NCR1: variants seen among roughly 807,000 people sequenced by gnomAD.
NCR1 encodes natural cytotoxicity triggering receptor 1.
Under a neutral mutation model 32.5 loss-of-function variants are expected in NCR1, and 30 were observed. The ratio of observed to expected loss-of-function variants is 0.92; its 90% CI spans 0.69 to 1.25. The LOEUF (loss-of-function observed/expected upper bound fraction) is 1.25, where lower values mean the gene tolerates loss of function less well. Among genes scored for constraint, NCR1 ranks in the 50% most tolerant of loss-of-function variants. The pLI is 0.00. For synonymous variants in NCR1, 169 were observed against 143.4 expected, an observed-to-expected ratio of 1.18 and a Z score of -1.28; for missense variants, 369 against 380.7, an observed-to-expected ratio of 0.97 and a Z score of 0.26.
At chr19:54,908,174 G>A (rs1243041536) in intron 3 of NCR1, among the ~76,000 whole-genome samples, 1 of 152,068 alleles carries the variant, frequency 6.6e-6, no homozygotes, top group Non-Finnish European at 1.5e-5. Context: ...CTTGAGATTA[G>A]GGAGTGGTGA....
At chr19:54,934,409 C>T in the NCR1 span, 162 of 1,428,450 alleles carry the variant, frequency 1.1e-4, no homozygotes, top group East Asian at 2.5e-4. This position sits in a 1 kb window ranked among gnomAD's most constrained non-coding sequence, Gnocchi z 6.7. Context: ...ACGTGGGTGG[C>T]GCAGTAAGTC....
chr19:54,925,727 G>C, the NCR1 span, among the ~76,000 whole-genome samples: 2 of 151,986 alleles, frequency 1.3e-5, no homozygotes, highest in African/African-American at 4.8e-5. Context: ...GGCCGGGCGC[G>C]GTGGCTCACG....
chr19:54,921,772 CAAAAAAAAA>C, the NCR1 span, among the ~76,000 whole-genome samples: 35 of 93,936 alleles, frequency 3.7e-4, no homozygotes, highest in African/African-American at 7.4e-4. Context: ...GACTCCATCT[CAAAAAAAAA>C]AAAAAAAAAA....
At chr19:54,920,145 G>A (rs576944299), downstream of NCR1, among the ~76,000 whole-genome samples, 1 of 152,246 alleles carries the variant, frequency 6.6e-6, no homozygotes, top group East Asian at 1.9e-4. Flanking sequence ...CTCGGTGCCT[G>A]GGTGCCTTGC....
At chr19:54,914,792 TGCAGTG>T (rs1346456022), downstream of NCR1, among the ~76,000 whole-genome samples, 2 of 151,636 alleles carry the variant, frequency 1.3e-5, no homozygotes, top group African/African-American at 4.9e-5. Context: ...CAAGCTGGCG[TGCAGTG>T]GCACAATCTC....
chr19:54,915,968 A>G (rs2068123536), downstream of NCR1: 1 of 149,818 alleles, frequency 6.7e-6, no homozygotes, highest in Non-Finnish European at 1.5e-5. Flanking sequence ...TGTTCACTTT[A>G]TTGTAAATAC....
chr19:54,934,479 G>C, the NCR1 span: 3 of 1,614,022 alleles, frequency 1.9e-6, no homozygotes, highest in East Asian at 4.5e-5. This position sits in a 1 kb window ranked among gnomAD's most constrained non-coding sequence, Gnocchi z 6.7. Context: ...CATGGGAAGA[G>C]GAGACTTACG....
At chr19:54,922,855 GAGAC>G in the NCR1 span, among the ~76,000 whole-genome samples, 49 of 149,700 alleles carry the variant, frequency 3.3e-4, no homozygotes, top group Middle Eastern at 6.9e-3. Context: ...CCCAGCGACA[GAGAC>G]ACACACAGAG....
At chr19:54,911,755 G>A (rs587607317) in intron 5 of NCR1, among the ~76,000 whole-genome samples, 2 of 152,256 alleles carry the variant, frequency 1.3e-5, no homozygotes, top group East Asian at 3.9e-4. Flanking sequence ...CCTTTGGGAG[G>A]CCGAAGCAGG....
chr19:54,935,599 G>GGTA, the NCR1 span, among the ~76,000 whole-genome samples: 4 of 86,340 alleles, frequency 4.6e-5, no homozygotes, highest in East Asian at 5.8e-4. Flanking sequence ...GGGAAGCTGA[G>GGTA]GCAGAACTGC....
Position 54,913,055 on chromosome 19 carries a change from C to A in NCR1, c.*184C>A. The A allele has an allele frequency of 4.6e-6, 2 of 430,820 alleles. No homozygotes were observed. Among genetic ancestry groups the A allele is most frequent in the Non-Finnish European group, 8.1e-6 (2 of 245,472 alleles). The allele number at this position is 430,820 out of a possible 1,614,324, so 26.7% of individuals were successfully genotyped here. On this transcript the variant is annotated 3_prime_UTR_variant, in exon 7 of 7. Transcript: ENST00000291890. ...GGTGGGAGAACTACATGCTAAATTT[C>A]TTTTTTTTTTTTTTTGAGACAGAGT...
downstream of NCR1, among the ~76,000 whole-genome samples, chr19:54,917,556 T>G (rs2068161294): frequency 6.6e-6 from 1 of 152,042 alleles, no homozygotes; most frequent in Non-Finnish European, 1.5e-5. Flanking sequence ...CCCGACCTCA[T>G]GTGATCCGCC....
chr19:54,923,575 C>G, the NCR1 span: 1 of 774,582 alleles, frequency 1.3e-6, no homozygotes, highest in African/African-American at 1.7e-5. Flanking sequence ...GAAGGGGGTG[C>G]GTGACTCGTG....
downstream of NCR1, among the ~76,000 whole-genome samples, chr19:54,920,604 A>AT (rs1335461046): frequency 4.6e-5 from 7 of 152,238 alleles, no homozygotes; most frequent in African/African-American, 1.7e-4. Flanking sequence ...AGGCAAGGGG[A>AT]TAACTGGAGG....
chr19:54,906,764 G>A lies in NCR1; in HGVS notation c.312G>A (p.Glu104=). 1.9e-6 allele frequency: 3 copies of A among 1,614,212 alleles called. No individual in the cohort carries two copies. The highest frequency in any genetic ancestry group is 2.5e-6 in the Non-Finnish European group (3 of 1,180,040). ...ACAGCTGCATCTATCGGGTTGGGGAGCTCTGGTCAGAGCCCAGCAACTTGC... is the reference window on the plus strand; with the variant it reads ...ACAGCTGCATCTATCGGGTTGGGGAACTCTGGTCAGAGCCCAGCAACTTGC... ...GQYSCIYRVG[E]LWSEPSNLLD... Residue 104 remains glutamate, a synonymous_variant, in exon 3 of 7, where the codon GAG becomes GAA. Transcript: ENST00000291890.
chr19:54,936,563 T>C, the NCR1 span: 7 of 794,702 alleles, frequency 8.8e-6, no homozygotes, highest in Non-Finnish European at 1.5e-5. Context: ...GGCTCGTGTC[T>C]GTAACCCCAG....
At chr19:54,900,401 G>T in the NCR1 span, among the ~76,000 whole-genome samples, 1 of 152,292 alleles carries the variant, frequency 6.6e-6, no homozygotes, top group East Asian at 1.9e-4. Context: ...AAGGTGCTCA[G>T]TAGGGGAGCT....
intron 4 of NCR1, 83 bp from the exon 5 acceptor site, chr19:54,909,934 CA>C (rs11345154): frequency 0.094 from 56,252 of 596,698 alleles, 13 homozygotes; most frequent in East Asian, 0.13. Context: ...GACTCCATCT[CA>C]AAAAAAAAAA....
chr19:54,911,519 G>C (rs145701638), intron 5 of NCR1, among the ~76,000 whole-genome samples: 268 of 152,258 alleles, frequency 1.8e-3, no homozygotes, highest in African/African-American at 6.2e-3. Context: ...TGGAAGGCAG[G>C]GGCGGCTGGA....
Sources: allele counts gnomAD v4.1 joint callset (sites outside exome capture counted in the v4.1 genomes callset), GRCh38; gene constraint gnomAD v4.1.1; non-coding constraint Gnocchi (gnomAD v3.1); transcripts MANE v1.5; gene names NCBI Gene and HGNC (gene_info 2026-07-23, HGNC 2026-07-21).